The following NR3C1 variants were observed in gnomAD, a reference collection of about 807,000 sequenced individuals.
NR3C1 encodes glucocorticoid receptor.
In NR3C1, 14 loss-of-function variants were observed where a neutral mutation model predicts 74.0. The observed-to-expected ratio is 0.19, with a 90% confidence interval of 0.12 to 0.30. NR3C1 has a LOEUF of 0.30. NR3C1 is among the 10% of genes least tolerant of loss of function. NR3C1 has a pLI of 1.00. For missense variants in NR3C1, 695 were observed against 909.8 expected, an observed-to-expected ratio of 0.76 and a Z score of 3.04; for synonymous variants, 308 against 332.5, an observed-to-expected ratio of 0.93 and a Z score of 0.80.
chr5:143,368,315 A>T (rs1222821654), intron 2 of NR3C1, among the ~76,000 whole-genome samples: 3 of 152,212 alleles, frequency 2.0e-5, no homozygotes, highest in Non-Finnish European at 4.4e-5. Context: ...AATCAGTTTG[A>T]CCTTAGATCA....
At chr5:143,367,845 T>C (rs1833527612) in intron 2 of NR3C1, among the ~76,000 whole-genome samples, 1 of 152,230 alleles carries the variant, frequency 6.6e-6, no homozygotes, top group South Asian at 2.1e-4. Context: ...TTCAATGCAA[T>C]CCCTATCTGA....
At chr5:143,339,174 T>A (rs1190648272) in intron 2 of NR3C1, among the ~76,000 whole-genome samples, 1 of 152,166 alleles carries the variant, frequency 6.6e-6, no homozygotes, top group Non-Finnish European at 1.5e-5. Context: ...CCTATCTCTG[T>A]TGTTAAGCAA....
intron 3 of NR3C1, among the ~76,000 whole-genome samples, chr5:143,312,416 C>T (rs1821168101): frequency 6.6e-6 from 1 of 152,140 alleles, no homozygotes; most frequent in African/African-American, 2.4e-5. Context: ...TCACGTTACT[C>T]CACAGAGACC....
chr5:143,305,938 A>T (rs974348594), intron 4 of NR3C1, among the ~76,000 whole-genome samples: 6 of 152,236 alleles, frequency 3.9e-5, no homozygotes, highest in Non-Finnish European at 8.8e-5. Flanking sequence ...AACTTAAAAA[A>T]ATTAGTTTCA....
Position 143,279,275 on chromosome 5 carries a change from G to C in NR3C1, c.*2614C>G. ...CTCCTATAGTTGTCGATGAGCATCA[G>C]TTGACTTATTATTGACAACGAAGTG... is the stretch of plus-strand genomic sequence containing the variant. On this transcript the variant is annotated 3_prime_UTR_variant, in exon 9 of 9. Transcript: ENST00000394464. 2 of 1,448,744 alleles carry C rather than the reference G, an allele frequency of 1.4e-6. No homozygotes were observed. Among genetic ancestry groups the C allele is most frequent in the Non-Finnish European group, 1.9e-6 (2 of 1,074,530 alleles). The allele number at this position is 1,448,744 out of a possible 1,614,324, so 89.7% of individuals were successfully genotyped here.
chr5:143,405,004 C>T, upstream of NR3C1: 3 of 517,392 alleles, frequency 5.8e-6, no homozygotes, highest in Non-Finnish European at 7.5e-6. Flanking sequence ...CCCCTCAGTC[C>T]AAGGGGAAGG....
intron 1 of NR3C1, among the ~76,000 whole-genome samples, chr5:143,425,597 A>G (rs2151961637): frequency 6.6e-6 from 1 of 152,344 alleles, no homozygotes; most frequent in East Asian, 1.9e-4. Context: ...AAGATGTGCA[A>G]CTAGCCAATA....
upstream of NR3C1, among the ~76,000 whole-genome samples, chr5:143,406,593 C>G (rs1346047069): frequency 6.6e-6 from 1 of 152,146 alleles, no homozygotes; most frequent in African/African-American, 2.4e-5. Flanking sequence ...TTGTGGCTAA[C>G]ATTTATTGAT....
intron 1 of NR3C1, among the ~76,000 whole-genome samples, chr5:143,433,405 T>A (rs1404778498): frequency 6.9e-6 from 1 of 145,946 alleles, no homozygotes; most frequent in East Asian, 1.9e-4. Flanking sequence ...TATATATATA[T>A]AATTTATTTA....
At chr5:143,418,870 G>C (rs1326224136) in intron 1 of NR3C1, among the ~76,000 whole-genome samples, 1 of 152,192 alleles carries the variant, frequency 6.6e-6, no homozygotes, top group African/African-American at 2.4e-5. Flanking sequence ...CCTTGACCTA[G>C]TTACCTCTGT....
chr5:143,423,028 T>C (rs570842241), intron 1 of NR3C1, among the ~76,000 whole-genome samples: 1 of 152,352 alleles, frequency 6.6e-6, no homozygotes, highest in South Asian at 2.1e-4. Context: ...TTTAATCCAA[T>C]TTGATTTGAT....
chr5:143,418,700 G>A (rs568286270), intron 1 of NR3C1, among the ~76,000 whole-genome samples: 208 of 152,302 alleles, frequency 1.4e-3, no homozygotes, highest in Non-Finnish European at 2.5e-3. Context: ...GGCAGAATGA[G>A]ACTTAAAGGG....
At chr5:143,293,009 T>C (rs1326227209) in intron 7 of NR3C1, among the ~76,000 whole-genome samples, 1 of 152,230 alleles carries the variant, frequency 6.6e-6, no homozygotes, top group African/African-American at 2.4e-5. Context: ...TACACAAACA[T>C]ATACACAATC....
At chr5:143,397,341 AT>A (rs1839414199) in intron 2 of NR3C1, among the ~76,000 whole-genome samples, 1 of 151,906 alleles carries the variant, frequency 6.6e-6, no homozygotes, top group Non-Finnish European at 1.5e-5. Flanking sequence ...CAATGTGTTG[AT>A]TATTTGCTGA....
chr5:143,390,991 C>A (rs1028420820), intron 2 of NR3C1, among the ~76,000 whole-genome samples: 1 of 152,082 alleles, frequency 6.6e-6, no homozygotes, highest in Non-Finnish European at 1.5e-5. Context: ...GAGCAATATA[C>A]ATAGCCTCCT....
intron 1 of NR3C1, among the ~76,000 whole-genome samples, chr5:143,425,345 T>C (rs1469992941): frequency 6.6e-6 from 1 of 151,978 alleles, no homozygotes; most frequent in African/African-American, 2.4e-5. Context: ...AAGAAAAAAA[T>C]AGTCAAACTG....
chr5:143,434,030 C>T (rs569111146), intron 1 of NR3C1, among the ~76,000 whole-genome samples: 11 of 152,292 alleles, frequency 7.2e-5, no homozygotes, highest in African/African-American at 2.6e-4. Context: ...TGGCTATTTC[C>T]GCCCTGCCCC....
At chr5:143,405,536 T>G (rs1841061798), upstream of NR3C1, among the ~76,000 whole-genome samples, 1 of 152,146 alleles carries the variant, frequency 6.6e-6, no homozygotes, top group Admixed American at 6.5e-5. Context: ...GGTAAACGGT[T>G]CCCTGTGCAT....
upstream of NR3C1, chr5:143,403,995 C>T (rs1840852994): frequency 3.0e-6 from 3 of 985,172 alleles, no homozygotes; most frequent in East Asian, 1.1e-4. Flanking sequence ...CCTGGTCTCT[C>T]TGGGGCGGCG....
Sources: gnomAD v4.1 joint callset for allele counts (sites outside exome capture counted in the v4.1 genomes callset) on GRCh38, gnomAD v4.1.1 for gene constraint, MANE v1.5 for transcripts, NCBI Gene and HGNC (gene_info 2026-07-23, HGNC 2026-07-21) for gene names.